The following GPATCH2 variants were observed in gnomAD, a reference collection of about 807,000 sequenced individuals.
GPATCH2 encodes the protein G patch domain-containing protein 2.
GPATCH2 carries 51 observed loss-of-function variants against 58.0 expected under a neutral mutation model. The ratio of observed to expected loss-of-function variants is 0.88; its 90% CI spans 0.70 to 1.11. The LOEUF is 1.11. Among genes scored for constraint, GPATCH2 ranks in the 50% most tolerant of loss-of-function variants. The pLI is 0.00. For synonymous variants in GPATCH2, 222 were observed against 218.5 expected, an observed-to-expected ratio of 1.02 and a Z score of -0.14; for missense variants, 625 against 652.2, an observed-to-expected ratio of 0.96 and a Z score of 0.45.
intron 5 of GPATCH2, among the ~76,000 whole-genome samples, chr1:217,524,738 GCAA>G (rs1438761451): frequency 6.7e-6 from 1 of 150,088 alleles, no homozygotes; most frequent in Non-Finnish European, 1.5e-5. Context: ...GCGCGCACCT[GCAA>G]TTGCAGGCAC....
intron 9 of GPATCH2, among the ~76,000 whole-genome samples, chr1:217,435,132 G>A (rs747567216): frequency 9.9e-5 from 15 of 152,120 alleles, no homozygotes; most frequent in Non-Finnish European, 1.8e-4. Flanking sequence ...CAGCCTCAGC[G>A]CAGTATACAC....
At chr1:217,598,940 A>C (rs1667984818) in intron 5 of GPATCH2, among the ~76,000 whole-genome samples, 1 of 152,214 alleles carries the variant, frequency 6.6e-6, no homozygotes, top group Admixed American at 6.5e-5. Context: ...AGAAGATATA[A>C]TGCCATTTCA....
At chr1:217,500,317 C>A (rs997246920) in intron 6 of GPATCH2, among the ~76,000 whole-genome samples, 1 of 151,934 alleles carries the variant, frequency 6.6e-6, no homozygotes, top group Non-Finnish European at 1.5e-5. Context: ...GTGATCTCCT[C>A]CCAAAGCCCT....
chr1:217,488,804 G>A (rs985471932), intron 8 of GPATCH2, among the ~76,000 whole-genome samples: 4 of 151,776 alleles, frequency 2.6e-5, no homozygotes, highest in Non-Finnish European at 5.9e-5. Flanking sequence ...TAGTCCTCCT[G>A]CCTCAGCTTG....
At chr1:217,567,640 A>C (rs1026283897) in intron 5 of GPATCH2, among the ~76,000 whole-genome samples, 1 of 152,214 alleles carries the variant, frequency 6.6e-6, no homozygotes, top group Non-Finnish European at 1.5e-5. Context: ...TTTCTGTAAG[A>C]GTTATCTAGA....
chr1:217,464,169 C>G (rs6700494), intron 8 of GPATCH2, among the ~76,000 whole-genome samples: 23,409 of 151,990 alleles, frequency 0.15, 3,734 homozygotes, highest in African/African-American at 0.41. Context: ...GAGTACTCTG[C>G]GAATATGGTG....
intron 5 of GPATCH2, among the ~76,000 whole-genome samples, chr1:217,605,304 G>A (rs1375851380): frequency 1.3e-5 from 2 of 152,166 alleles, no homozygotes; most frequent in African/African-American, 4.8e-5. Context: ...TATAGTGAAT[G>A]CAAACAGTAT....
chr1:217,603,655 C>G (rs1354688345), intron 5 of GPATCH2, among the ~76,000 whole-genome samples: 1 of 152,148 alleles, frequency 6.6e-6, no homozygotes, highest in Non-Finnish European at 1.5e-5. Context: ...TGGAGTCTCA[C>G]TCTGTTGCCC....
chr1:217,597,880 C>T (rs565392230), intron 5 of GPATCH2, among the ~76,000 whole-genome samples: 2 of 152,298 alleles, frequency 1.3e-5, no homozygotes, highest in Non-Finnish European at 1.5e-5. Context: ...ATCCCCCAAC[C>T]AAAAGGTCTA....
chr1:217,548,219 T>A (rs1025941224), intron 5 of GPATCH2, among the ~76,000 whole-genome samples: 12 of 152,038 alleles, frequency 7.9e-5, no homozygotes, highest in Admixed American at 7.9e-4. Flanking sequence ...TGAGAACACA[T>A]GGACACACAG....
chr1:217,492,014 C>T (rs974836230), intron 7 of GPATCH2, among the ~76,000 whole-genome samples: 2 of 152,028 alleles, frequency 1.3e-5, no homozygotes, highest in African/African-American at 4.8e-5. Flanking sequence ...AGTTAGCAAT[C>T]GAGTTCTTCC....
chr1:217,460,999 T>C (rs954800282), intron 8 of GPATCH2, among the ~76,000 whole-genome samples: 10 of 152,230 alleles, frequency 6.6e-5, no homozygotes, highest in African/African-American at 2.2e-4. Context: ...CCCATGACTT[T>C]GCTTGTCGTG....
chr1:217,628,804 G>C (rs1669585597), intron 1 of GPATCH2, among the ~76,000 whole-genome samples: 1 of 151,970 alleles, frequency 6.6e-6, no homozygotes, highest in African/African-American at 2.4e-5. Context: ...CAAGATGGGA[G>C]CTAAATAAGT....
intron 5 of GPATCH2, among the ~76,000 whole-genome samples, chr1:217,594,089 T>C (rs890774371): frequency 3.3e-5 from 5 of 152,086 alleles, no homozygotes; most frequent in African/African-American, 1.2e-4. Context: ...ATCTAGATGC[T>C]CTAGGTACGT....
chr1:217,503,688 C>T (rs1309122174), intron 6 of GPATCH2, among the ~76,000 whole-genome samples: 1 of 151,896 alleles, frequency 6.6e-6, no homozygotes, highest in African/African-American at 2.4e-5. Context: ...TGGTATCATA[C>T]CATTCAAAAT....
intron 5 of GPATCH2, among the ~76,000 whole-genome samples, chr1:217,579,511 T>C (rs1276367610): frequency 6.6e-6 from 1 of 152,168 alleles, no homozygotes; most frequent in Non-Finnish European, 1.5e-5. Context: ...TATATTTTAA[T>C]TTAAAAATGT....
At chr1:217,591,582 T>C (rs67775018) in intron 5 of GPATCH2, among the ~76,000 whole-genome samples, 33,515 of 151,964 alleles carry the variant, frequency 0.22, 4,399 homozygotes, top group East Asian at 0.52. Flanking sequence ...AAGGTGAGTA[T>C]GATAAAACTG....
At chr1:217,557,175 G>C (rs1294359634) in intron 5 of GPATCH2, among the ~76,000 whole-genome samples, 4 of 152,162 alleles carry the variant, frequency 2.6e-5, no homozygotes, top group African/African-American at 9.7e-5. Flanking sequence ...GGGAGGCCAA[G>C]GCGGGTGGAT....
chr1:217,518,543 T>A (rs1029192549), intron 5 of GPATCH2, among the ~76,000 whole-genome samples: 1 of 152,242 alleles, frequency 6.6e-6, no homozygotes, highest in African/African-American at 2.4e-5. Flanking sequence ...CATGCCATAC[T>A]ATTCTTCCAC....
Sources: gnomAD v4.1 joint callset for allele counts (sites outside exome capture counted in the v4.1 genomes callset) on GRCh38, gnomAD v4.1.1 for gene constraint, MANE v1.5 for transcripts, NCBI Gene and HGNC (gene_info 2026-07-23, HGNC 2026-07-21) for gene names.